NELL2: variants seen among roughly 807,000 people sequenced by gnomAD.
NELL2 encodes neural EGFL like 2, also known as protein kinase C-binding protein NELL2.
Under a neutral mutation model 109.6 loss-of-function variants are expected in NELL2, and 41 were observed. The observed-to-expected ratio is 0.37, with a 90% confidence interval of 0.29 to 0.49. The LOEUF (loss-of-function observed/expected upper bound fraction) is 0.49. Ranked by LOEUF, NELL2 falls within the 20% of genes least tolerant of loss-of-function variation. The pLI, the probability that NELL2 is intolerant of heterozygous loss-of-function variation, is 0.98. For missense variants in NELL2, 900 were observed against 1,008.3 expected, an observed-to-expected ratio of 0.89 and a Z score of 1.45; for synonymous variants, 355 against 344.7, an observed-to-expected ratio of 1.03 and a Z score of -0.33.
intron 3 of NELL2, among the ~76,000 whole-genome samples, chr12:44,788,980 C>T (rs1309365709): frequency 6.6e-6 from 1 of 152,060 alleles, no homozygotes; most frequent in Non-Finnish European, 1.5e-5. Context: ...GAACCTCACC[C>T]CCAACCCCCA....
chr12:44,541,709 C>T (rs1183694560), intron 15 of NELL2, among the ~76,000 whole-genome samples: 1 of 152,084 alleles, frequency 6.6e-6, no homozygotes, highest in Non-Finnish European at 1.5e-5. Flanking sequence ...AAAGGTCAAC[C>T]GGGGTCCCCA....
At chr12:44,685,104 G>A (rs1948668965) in intron 12 of NELL2, among the ~76,000 whole-genome samples, 1 of 152,170 alleles carries the variant, frequency 6.6e-6, no homozygotes, top group African/African-American at 2.4e-5. Context: ...GGGTGCTCCT[G>A]TATTGGATGC....
chr12:44,533,217 G>A (rs376079318), intron 15 of NELL2, among the ~76,000 whole-genome samples: 3 of 152,136 alleles, frequency 2.0e-5, no homozygotes, highest in African/African-American at 7.2e-5. Flanking sequence ...ACCTACCTGA[G>A]TTCCTGTAGG....
At chr12:44,680,607 C>T (rs7134991) in intron 12 of NELL2, among the ~76,000 whole-genome samples, 8,974 of 152,020 alleles carry the variant, frequency 0.059, 882 homozygotes, top group African/African-American at 0.2. Flanking sequence ...CCATAATGCC[C>T]GCCTCTTCAC....
chr12:44,615,750 A>T (rs1389437943), intron 13 of NELL2, among the ~76,000 whole-genome samples: 1 of 152,060 alleles, frequency 6.6e-6, no homozygotes, highest in East Asian at 1.9e-4. Flanking sequence ...TCTTTACTGT[A>T]TTTTATACCT....
At chr12:44,601,943 AAGG>A (rs1373954791) in intron 15 of NELL2, among the ~76,000 whole-genome samples, 1 of 152,188 alleles carries the variant, frequency 6.6e-6, no homozygotes, top group Non-Finnish European at 1.5e-5. Flanking sequence ...TAAATTCTTC[AAGG>A]AGAACTGGGG....
At chr12:44,540,869 G>C (rs1460588584) in intron 15 of NELL2, among the ~76,000 whole-genome samples, 4 of 140,914 alleles carry the variant, frequency 2.8e-5, no homozygotes, top group Non-Finnish European at 3.0e-5. Flanking sequence ...GTGAAATCAA[G>C]GAGCAATGGA....
In NELL2 at chr12:44,612,585, C is replaced by T. The variant is rs552627262; in HGVS notation, c.1445-1615G>A. On this transcript the variant is annotated intron_variant, in intron 13 of 19. Coordinates refer to ENST00000429094, the MANE Select transcript of NELL2 (RefSeq NM_001145108.2). ...CACATGGGTCTCCTAATTGAGGCTA[C>T]CCTTGGACCACCATAAAATTTCAGA... Among the ~76,000 whole-genome samples, 37 of 151,932 alleles carry T rather than the reference C, an allele frequency of 2.4e-4. No homozygotes were observed. The South Asian group carries it at 6.4e-3, about 26-fold the overall frequency.
chr12:44,597,829 C>T (rs1945027658), intron 15 of NELL2, among the ~76,000 whole-genome samples: 1 of 152,046 alleles, frequency 6.6e-6, no homozygotes, highest in Non-Finnish European at 1.5e-5. Flanking sequence ...AGGAAAGGGG[C>T]AAAGAACACA....
chr12:44,699,386 C>T (rs2136412256), intron 12 of NELL2, among the ~76,000 whole-genome samples: 1 of 152,000 alleles, frequency 6.6e-6, no homozygotes, highest in East Asian at 1.9e-4. Flanking sequence ...TAATATTATA[C>T]TATGTTTATA....
chr12:44,886,476 A>C (rs1010848655), intron 1 of NELL2, among the ~76,000 whole-genome samples: 2 of 152,090 alleles, frequency 1.3e-5, no homozygotes, highest in African/African-American at 4.8e-5. Context: ...GTAGGACCAA[A>C]AAATTCAATT....
At chr12:44,842,826 C>T (rs549675251) in intron 2 of NELL2, among the ~76,000 whole-genome samples, 3 of 151,572 alleles carry the variant, frequency 2.0e-5, no homozygotes, top group Non-Finnish European at 4.4e-5. Context: ...GAGACAGACA[C>T]GCACACAGAG....
intron 15 of NELL2, among the ~76,000 whole-genome samples, chr12:44,605,928 G>A (rs1945384698): frequency 6.6e-6 from 1 of 152,074 alleles, no homozygotes; most frequent in Admixed American, 6.6e-5. Flanking sequence ...ATTTGATTTA[G>A]TATATCATAT....
At chr12:44,532,810 T>C in intron 15 of NELL2, 89 bp from the exon 16 acceptor site, 1 of 1,219,916 alleles carries the variant, frequency 8.2e-7, no homozygotes, top group South Asian at 1.6e-5. Context: ...AAATTTTTAA[T>C]GCCAGCAAAT....
intron 3 of NELL2, among the ~76,000 whole-genome samples, chr12:44,781,729 A>G (rs1298269167): frequency 6.6e-6 from 1 of 152,120 alleles, no homozygotes; most frequent in Non-Finnish European, 1.5e-5. Context: ...TGGGAGCCAT[A>G]AAGAAGTGGT....
upstream of NELL2, among the ~76,000 whole-genome samples, chr12:44,916,143 A>C (rs993687226): frequency 2.0e-5 from 3 of 152,242 alleles, no homozygotes; most frequent in African/African-American, 7.2e-5. Flanking sequence ...CATGTATTAA[A>C]GGATGCTGAC....
chr12:44,787,235 T>C (rs1363473869), intron 3 of NELL2, among the ~76,000 whole-genome samples: 1 of 144,276 alleles, frequency 6.9e-6, no homozygotes, highest in Admixed American at 7.0e-5. Context: ...ACAGGTATTA[T>C]ATACTGAAAA....
chr12:44,538,206 T>C (rs11182527), intron 15 of NELL2, among the ~76,000 whole-genome samples: 118,502 of 152,136 alleles, frequency 0.78, 46,344 homozygotes, highest in East Asian at 1. Context: ...CCTTTCAAGA[T>C]CAACACTTGG....
At chr12:44,688,430 A>AC (rs1948795814) in intron 12 of NELL2, among the ~76,000 whole-genome samples, 1 of 152,242 alleles carries the variant, frequency 6.6e-6, no homozygotes, top group Non-Finnish European at 1.5e-5. Context: ...CTTAATGACA[A>AC]ACTTTTACTG....
Sources: allele counts gnomAD v4.1 joint callset (sites outside exome capture counted in the v4.1 genomes callset), GRCh38; gene constraint gnomAD v4.1.1; transcripts MANE v1.5; gene names NCBI Gene and HGNC (gene_info 2026-07-23, HGNC 2026-07-21).